Variants in ANKRD11 observed in about 807,000 individuals in gnomAD.
ANKRD11 encodes ankyrin repeat domain 11.
Under a neutral mutation model 195.7 loss-of-function variants are expected in ANKRD11, and 17 were observed. The ratio of observed to expected loss-of-function variants is 0.09; its 90% CI spans 0.06 to 0.13. The LOEUF (loss-of-function observed/expected upper bound fraction) is 0.13, where lower values mean the gene tolerates loss of function less well. Among genes scored for constraint, ANKRD11 ranks in the 10% least tolerant of loss-of-function variants. The pLI is 1.00. For missense variants in ANKRD11, 3,735 were observed against 3,566.1 expected (o/e 1.05, Z -1.21); for synonymous variants, 1,953 against 1,528.1 (o/e 1.28, Z -6.49).
intron 4 of ANKRD11, among the ~76,000 whole-genome samples, chr16:89,304,588 A>G (rs188115991): frequency 2.0e-3 from 304 of 150,148 alleles, no homozygotes; most frequent in Middle Eastern, 6.9e-3. Flanking sequence ...ATACAAGTAC[A>G]TACACACACG....
At chr16:89,304,211 C>T (rs1184826479) in intron 4 of ANKRD11, among the ~76,000 whole-genome samples, 1 of 152,238 alleles carries the variant, frequency 6.6e-6, no homozygotes, top group Non-Finnish European at 1.5e-5. Context: ...GAAGGTGTCA[C>T]TGCAGAAGGC....
At chr16:89,379,447 T>C (rs1482880807) in intron 2 of ANKRD11, among the ~76,000 whole-genome samples, 1 of 152,214 alleles carries the variant, frequency 6.6e-6, no homozygotes, top group Non-Finnish European at 1.5e-5. Context: ...TGTCAGGGCA[T>C]CCAAAACCAG....
At chr16:89,341,769 AAAC>A (rs1567673279) in intron 2 of ANKRD11, among the ~76,000 whole-genome samples, 3 of 152,200 alleles carry the variant, frequency 2.0e-5, no homozygotes, top group Non-Finnish European at 4.4e-5. Flanking sequence ...AAACGTGCAC[AAAC>A]AAAAAGTGGC....
At chr16:89,320,852 C>A (rs1836956459) in intron 2 of ANKRD11, among the ~76,000 whole-genome samples, 1 of 152,258 alleles carries the variant, frequency 6.6e-6, no homozygotes, top group South Asian at 2.1e-4. Flanking sequence ...CTGCGAGAGC[C>A]CCTGCAGCCC....
chr16:89,334,478 GGGGGAGTGTCCCACCA>G (rs1312669113), intron 2 of ANKRD11, among the ~76,000 whole-genome samples: 5 of 152,182 alleles, frequency 3.3e-5, no homozygotes, highest in African/African-American at 4.8e-5. Flanking sequence ...CTCTCACAAA[GGGGGAGTGTCCCACCA>G]CGTCCAACTC....
At chr16:89,442,647 G>A (rs1273084158) in intron 1 of ANKRD11, among the ~76,000 whole-genome samples, 1 of 152,302 alleles carries the variant, frequency 6.6e-6, no homozygotes, top group South Asian at 2.1e-4. Context: ...CCAGGGAGGA[G>A]GCCTGTGTCC....
Position 89,279,290 on chromosome 16 carries a change from T to C in ANKRD11, c.7252A>G (p.Ile2418Val). 2 of 1,611,712 alleles carry C rather than the reference T, an allele frequency of 1.2e-6. No homozygotes were observed. Among genetic ancestry groups the C allele is most frequent in the East Asian group, 2.2e-5 (1 of 44,882 alleles). The change falls in exon 9 of 13, where the codon ATC (isoleucine) becomes GTC (valine). Residue 2418 changes from isoleucine to valine, a missense_variant. Ile to Val is a conservative substitution (Grantham distance 29). Transcript: ENST00000301030. The surrounding 1 kb of genome is among the most constrained non-coding windows in gnomAD (Gnocchi z 5.6). ...REVIQQTLAA[I>V]VDAIKLDAIE... ...GCATCCAGCTTGATGGCGTCCACGA[T>C]GGCGGCCAGCGTCTGCTGGATCACC...
At chr16:89,428,760 G>A (rs2042839282) in intron 1 of ANKRD11, among the ~76,000 whole-genome samples, 1 of 151,918 alleles carries the variant, frequency 6.6e-6, no homozygotes, top group African/African-American at 2.4e-5. Flanking sequence ...CAGGCATGGT[G>A]GCAGGCGCCT....
intron 1 of ANKRD11, among the ~76,000 whole-genome samples, chr16:89,458,277 T>A (rs925100582): frequency 2.0e-5 from 3 of 151,788 alleles, no homozygotes; most frequent in African/African-American, 7.3e-5. Flanking sequence ...CAGGTTGGAG[T>A]GCAGTGGCGC....
intron 4 of ANKRD11, among the ~76,000 whole-genome samples, chr16:89,304,740 T>C (rs2036076263): frequency 6.6e-6 from 1 of 152,180 alleles, no homozygotes; most frequent in South Asian, 2.1e-4. Flanking sequence ...CACACATTCC[T>C]GCTCTGCAGC....
At chr16:89,321,706 A>T (rs1479897258) in intron 2 of ANKRD11, among the ~76,000 whole-genome samples, 1 of 152,178 alleles carries the variant, frequency 6.6e-6, no homozygotes, top group Non-Finnish European at 1.5e-5. Context: ...CTCACAGAAA[A>T]AAAAAAAGAC....
In ANKRD11 at chr16:89,380,164, G is replaced by A. The variant is rs544432412; in HGVS notation, c.-60+38120C>T. On this transcript the variant is annotated intron_variant, in intron 2 of 12. Coordinates refer to ENST00000301030, the MANE Select transcript of ANKRD11 (RefSeq NM_013275.6). ...GTCTCATTCTGTCACCCAGGCTGGA[G>A]AGCGATGGCGTGATCTCGGCTCACT... Among the ~76,000 whole-genome samples the A allele has an allele frequency of 7.2e-5, 11 of 152,230 alleles. No individual in the cohort carries two copies. The East Asian group carries it at 2.1e-3, about 29-fold the overall frequency.
At chr16:89,466,512 T>C (rs961387440) in intron 1 of ANKRD11, among the ~76,000 whole-genome samples, 1 of 152,170 alleles carries the variant, frequency 6.6e-6, no homozygotes, top group African/African-American at 2.4e-5. Flanking sequence ...CGTTCATTTT[T>C]CAAAAGAAAG....
chr16:89,475,473 C>A (rs910742066), intron 1 of ANKRD11, among the ~76,000 whole-genome samples: 1 of 152,110 alleles, frequency 6.6e-6, no homozygotes, highest in Non-Finnish European at 1.5e-5. Context: ...GAAAATTATT[C>A]TCTATTAAAA....
chr16:89,373,881 A>C (rs372350034), intron 2 of ANKRD11, among the ~76,000 whole-genome samples: 19 of 152,364 alleles, frequency 1.2e-4, no homozygotes, highest in East Asian at 9.6e-4. Flanking sequence ...CACTTGACAC[A>C]GAGGTGGGGC....
intron 2 of ANKRD11, among the ~76,000 whole-genome samples, chr16:89,331,112 C>G (rs1470984109): frequency 6.6e-6 from 1 of 152,124 alleles, no homozygotes; most frequent in South Asian, 2.1e-4. Context: ...TGCCACCATG[C>G]CCGGCTAATT....
intron 2 of ANKRD11, among the ~76,000 whole-genome samples, chr16:89,394,237 G>C (rs976459740): frequency 1.5e-4 from 23 of 152,214 alleles, no homozygotes; most frequent in African/African-American, 5.5e-4. Context: ...TGGGACTGCA[G>C]TTCCACAGTG....
At chr16:89,309,249 G>GGAGTCTCGT (rs1555536743) in intron 3 of ANKRD11, among the ~76,000 whole-genome samples, 1 of 152,202 alleles carries the variant, frequency 6.6e-6, no homozygotes, top group Non-Finnish European at 1.5e-5. Flanking sequence ...AGCCACGAAG[G>GGAGTCTCGT]GAGAGAATGC....
In ANKRD11 at chr16:89,279,604, T is replaced by A; in HGVS notation, c.6938A>T (p.Glu2313Val). 1 of 1,440,650 alleles carries A rather than the reference T, an allele frequency of 6.9e-7. No individual in the cohort carries two copies. The highest frequency in any genetic ancestry group is 9.1e-7 in the Non-Finnish European group (1 of 1,099,336). 89.2% of individuals were successfully genotyped at this position (1,440,650 alleles called of 1,614,324 possible). The change falls in exon 9 of 13, where the codon GAA (glutamate) becomes GTA (valine). Residue 2313 changes from glutamate (E) to valine (V), a missense_variant. Coordinates refer to ENST00000301030, the MANE Select transcript of ANKRD11 (RefSeq NM_013275.6). The surrounding 1 kb of genome is among the most constrained non-coding windows in gnomAD (Gnocchi z 5.6). Reference protein sequence around the residue: ...AEGPPGGIQPEAAEPKPTAEA... With the variant: ...AEGPPGGIQPVAAEPKPTAEA... Reference sequence around the variant, plus strand: ...GGCCGTGGGTTTTGGTTCTGCGGCTTCCGGCTGGATGCCGCCAGGAGGGCC... The same window carrying A: ...GGCCGTGGGTTTTGGTTCTGCGGCTACCGGCTGGATGCCGCCAGGAGGGCC...
Sources: gnomAD v4.1 joint callset for allele counts (sites outside exome capture counted in the v4.1 genomes callset) on GRCh38, gnomAD v4.1.1 for gene constraint, Gnocchi (gnomAD v3.1) non-coding constraint, MANE v1.5 for transcripts, NCBI Gene and HGNC (gene_info 2026-07-23, HGNC 2026-07-21) for gene names.